The following LINGO2 variants were observed in gnomAD, a reference collection of about 807,000 sequenced individuals.
LINGO2 encodes leucine rich repeat and Ig domain containing 2, also known as leucine-rich repeat and immunoglobulin-like domain-containing nogo receptor-interacting protein 2.
Under a neutral mutation model 30.6 loss-of-function variants are expected in LINGO2, and 14 were observed. The observed-to-expected ratio is 0.46, with a 90% CI of 0.30 to 0.72. The LOEUF (loss-of-function observed/expected upper bound fraction) is 0.72, where lower values mean the gene tolerates loss of function less well. Ranked by LOEUF, LINGO2 falls within the 30% of genes least tolerant of loss-of-function variation. The pLI, the probability that LINGO2 is intolerant of heterozygous loss-of-function variation, is 0.07. For missense variants in LINGO2, 729 were observed against 751.7 expected, an observed-to-expected ratio of 0.97 and a Z score of 0.35; for synonymous variants, 317 against 288.5, an observed-to-expected ratio of 1.10 and a Z score of -1.00.
At chr9:28,569,904 A>T (rs1347143410) in intron 1 of LINGO2, among the ~76,000 whole-genome samples, 3 of 151,986 alleles carry the variant, frequency 2.0e-5, no homozygotes, top group Non-Finnish European at 2.9e-5. Context: ...TATACCTTAA[A>T]TATTTATAAT....
intron 4 of LINGO2, among the ~76,000 whole-genome samples, chr9:28,029,450 CTTG>C (rs1031197867): frequency 2.0e-5 from 3 of 152,122 alleles, no homozygotes; most frequent in African/African-American, 7.2e-5. Flanking sequence ...AGATGCAAGG[CTTG>C]TTGATCTGTT....
At chr9:28,149,023 A>T (rs1486804623) in intron 4 of LINGO2, 1 of 1,534,448 alleles carries the variant, frequency 6.5e-7, no homozygotes. Context: ...GGTGGGATAG[A>T]GACGAGGGGC....
chr9:29,077,999 A>C, the LINGO2 span, among the ~76,000 whole-genome samples: 1 of 151,958 alleles, frequency 6.6e-6, no homozygotes. Context: ...CAATCAGAGT[A>C]CTAGAGGATT....
At chr9:28,809,563 G>T in the LINGO2 span, among the ~76,000 whole-genome samples, 1 of 152,082 alleles carries the variant, frequency 6.6e-6, no homozygotes, top group African/African-American at 2.4e-5. Flanking sequence ...GGCCAACACA[G>T]TGAAACCCTG....
intron 4 of LINGO2, among the ~76,000 whole-genome samples, chr9:28,014,156 G>A (rs1822701624): frequency 6.6e-6 from 1 of 152,028 alleles, no homozygotes; most frequent in African/African-American, 2.4e-5. Context: ...ATAATTCTTA[G>A]AAACACATGA....
chr9:28,174,927 A>T (rs62560761), intron 4 of LINGO2, among the ~76,000 whole-genome samples: 3,156 of 113,418 alleles, frequency 0.028, 64 homozygotes, highest in Middle Eastern at 0.048. Context: ...TGTGTGAGAG[A>T]GAGAGAGAGA....
At chr9:28,581,982 TATTGG>T in intron 1 of LINGO2, among the ~76,000 whole-genome samples, 1 of 152,030 alleles carries the variant, frequency 6.6e-6, no homozygotes, top group Non-Finnish European at 1.5e-5. Flanking sequence ...ATTATCTTCA[TATTGG>T]CCCTGTTACT....
chr9:28,680,124 T>C, the LINGO2 span, among the ~76,000 whole-genome samples: 1 of 151,940 alleles, frequency 6.6e-6, no homozygotes, highest in Non-Finnish European at 1.5e-5. Flanking sequence ...TTGACCAATA[T>C]CTCCTCAACC....
intron 4 of LINGO2, among the ~76,000 whole-genome samples, chr9:28,152,532 C>G (rs542138918): frequency 6.6e-6 from 1 of 152,048 alleles, no homozygotes; most frequent in African/African-American, 2.4e-5. Context: ...CAGGATAAGC[C>G]CAAGTGGAAT....
intron 3 of LINGO2, among the ~76,000 whole-genome samples, chr9:28,355,033 T>C (rs1820111957): frequency 6.6e-6 from 1 of 152,194 alleles, no homozygotes. Context: ...TTAAAGGTGC[T>C]AACAAACTTA....
At chr9:28,670,884 T>A (rs527751278), upstream of LINGO2, among the ~76,000 whole-genome samples, 4 of 152,228 alleles carry the variant, frequency 2.6e-5, no homozygotes, top group African/African-American at 9.6e-5. Flanking sequence ...AAAATACATA[T>A]GCTTGCTAAA....
the LINGO2 span, among the ~76,000 whole-genome samples, chr9:28,883,744 C>T: frequency 5.5e-5 from 8 of 146,298 alleles, 1 homozygote; most frequent in African/African-American, 1.8e-4. Context: ...GTGGCATGAT[C>T]TGAGCTCACT....
chr9:28,915,680 T>C, the LINGO2 span, among the ~76,000 whole-genome samples: 1 of 152,200 alleles, frequency 6.6e-6, no homozygotes, highest in Non-Finnish European at 1.5e-5. Context: ...ACTTAGGAGA[T>C]ACTTTATCAG....
At chr9:28,790,082 A>C in the LINGO2 span, among the ~76,000 whole-genome samples, 1 of 152,132 alleles carries the variant, frequency 6.6e-6, no homozygotes, top group East Asian at 1.9e-4. Flanking sequence ...ATATCTCATA[A>C]GTTTTTAGTT....
the LINGO2 span, among the ~76,000 whole-genome samples, chr9:28,762,302 C>A: frequency 6.6e-6 from 1 of 151,884 alleles, no homozygotes; most frequent in African/African-American, 2.4e-5. Flanking sequence ...CTAAACCACA[C>A]ACACAAAGGA....
intron 4 of LINGO2, among the ~76,000 whole-genome samples, chr9:28,211,694 T>C (rs1351851037): frequency 6.6e-6 from 1 of 151,484 alleles, no homozygotes; most frequent in Non-Finnish European, 1.5e-5. Context: ...AGACCATTCA[T>C]ATTCATGTGA....
chr9:29,157,564 G>A, the LINGO2 span, among the ~76,000 whole-genome samples: 2 of 152,122 alleles, frequency 1.3e-5, no homozygotes, highest in Non-Finnish European at 2.9e-5. Context: ...GTAAGACATT[G>A]CATATGGGAA....
chr9:28,820,650 C>G, the LINGO2 span, among the ~76,000 whole-genome samples: 57,396 of 152,052 alleles, frequency 0.38, 12,754 homozygotes, highest in Middle Eastern at 0.5. Flanking sequence ...CAAATATAAA[C>G]AGGAAAATAT....
chr9:29,056,674 T>A, the LINGO2 span, among the ~76,000 whole-genome samples: 2 of 152,128 alleles, frequency 1.3e-5, no homozygotes, highest in South Asian at 4.1e-4. Context: ...CGACAATGTC[T>A]AGAAGGGTTT....
Sources: gnomAD v4.1 joint callset for allele counts (sites outside exome capture counted in the v4.1 genomes callset) on GRCh38, gnomAD v4.1.1 for gene constraint, MANE v1.5 for transcripts, NCBI Gene and HGNC (gene_info 2026-07-23, HGNC 2026-07-21) for gene names.